The following ROBO1 variants were observed in gnomAD, a reference collection of about 807,000 sequenced individuals.
ROBO1 encodes roundabout guidance receptor 1, also known as roundabout homolog 1.
ROBO1 carries 149 observed loss-of-function variants against 195.9 expected under a neutral mutation model. The observed-to-expected ratio is 0.76, with a 90% CI of 0.67 to 0.87. The LOEUF (loss-of-function observed/expected upper bound fraction) is 0.87. Among genes scored for constraint, ROBO1 ranks in the 40% least tolerant of loss-of-function variants. ROBO1 has a pLI of 0.00. For synonymous variants in ROBO1, 816 were observed against 733.2 expected (o/e 1.11, Z -1.82); for missense variants, 1,933 against 2,068.3 (o/e 0.93, Z 1.27).
intron 1 of ROBO1, among the ~76,000 whole-genome samples, chr3:79,648,147 C>T (rs768849126): frequency 2.6e-5 from 4 of 152,010 alleles, no homozygotes; most frequent in Non-Finnish European, 4.4e-5. Flanking sequence ...GGAACTTTTC[C>T]GGGCTAACCC....
At chr3:79,291,073 CTAAAT>C (rs1317375789) in intron 2 of ROBO1, among the ~76,000 whole-genome samples, 2 of 152,204 alleles carry the variant, frequency 1.3e-5, no homozygotes, top group Non-Finnish European at 2.9e-5. Flanking sequence ...TCCACCTTAA[CTAAAT>C]TAATGTCCTC....
intron 2 of ROBO1, among the ~76,000 whole-genome samples, chr3:79,419,908 G>A (rs151219101): frequency 1.8e-3 from 276 of 152,128 alleles, no homozygotes; most frequent in African/African-American, 6.3e-3. Context: ...CATAAGGTAT[G>A]TATACATAAG....
chr3:78,610,378 C>G (rs1217094190), intron 28 of ROBO1, among the ~76,000 whole-genome samples: 1 of 152,024 alleles, frequency 6.6e-6, no homozygotes, highest in Non-Finnish European at 1.5e-5. Context: ...AGCCTAAAGC[C>G]AAGGGACCCA....
intron 5 of ROBO1, among the ~76,000 whole-genome samples, chr3:78,719,587 G>A (rs2081993026): frequency 6.6e-6 from 1 of 151,986 alleles, no homozygotes; most frequent in Non-Finnish European, 1.5e-5. Flanking sequence ...CACATGATAT[G>A]TGCTGTTTTA....
At chr3:79,573,460 G>A (rs541266142) in intron 2 of ROBO1, among the ~76,000 whole-genome samples, 1 of 152,110 alleles carries the variant, frequency 6.6e-6, no homozygotes, top group African/African-American at 2.4e-5. Flanking sequence ...CAGTAGATTA[G>A]ATATATGACA....
chr3:78,687,823 G>A (rs1428254724), intron 9 of ROBO1, among the ~76,000 whole-genome samples: 1 of 151,970 alleles, frequency 6.6e-6, no homozygotes, highest in African/African-American at 2.4e-5. Flanking sequence ...TAGAGATGAG[G>A]TCTTACTATG....
chr3:78,975,554 T>C (rs2076868785), intron 3 of ROBO1, among the ~76,000 whole-genome samples: 1 of 151,956 alleles, frequency 6.6e-6, no homozygotes, highest in African/African-American at 2.4e-5. Context: ...TTTCCTGGTT[T>C]TAAAAAAAGG....
At chr3:79,725,015 G>T (rs1005870640) in intron 1 of ROBO1, among the ~76,000 whole-genome samples, 1 of 152,032 alleles carries the variant, frequency 6.6e-6, no homozygotes. Context: ...GCTATAGAAA[G>T]ATGATTCTCT....
chr3:79,430,587 T>C (rs2038638083), intron 2 of ROBO1, among the ~76,000 whole-genome samples: 2 of 152,146 alleles, frequency 1.3e-5, no homozygotes, highest in South Asian at 4.1e-4. Flanking sequence ...GCTAGAGTTG[T>C]ACAAAAGAAT....
At chr3:78,715,354 A>G (rs565592039) in intron 7 of ROBO1, 1 of 152,166 alleles carries the variant, frequency 6.6e-6, no homozygotes, top group African/African-American at 2.4e-5. Flanking sequence ...CTAACAAGTC[A>G]TCCAATTTGT....
chr3:79,089,028 T>G (rs2079427478), intron 3 of ROBO1, among the ~76,000 whole-genome samples: 1 of 152,080 alleles, frequency 6.6e-6, no homozygotes, highest in Admixed American at 6.5e-5. Flanking sequence ...CTTGTATTCC[T>G]CGCTTTTAGT....
At chr3:79,370,539 C>T (rs200926179) in intron 2 of ROBO1, among the ~76,000 whole-genome samples, 1 of 151,912 alleles carries the variant, frequency 6.6e-6, no homozygotes, top group East Asian at 1.9e-4. Context: ...GTCATCCGTC[C>T]ACAACATGGG....
At chr3:78,905,729 C>T (rs2037867234) in intron 4 of ROBO1, among the ~76,000 whole-genome samples, 1 of 152,080 alleles carries the variant, frequency 6.6e-6, no homozygotes. Flanking sequence ...TAATTAAGCA[C>T]TCACTATAAA....
At chr3:79,334,938 T>A (rs901868828) in intron 2 of ROBO1, among the ~76,000 whole-genome samples, 1 of 151,874 alleles carries the variant, frequency 6.6e-6, no homozygotes, top group Admixed American at 6.6e-5. Context: ...AAACTCTGTG[T>A]CTACTAAAAG....
intron 1 of ROBO1, among the ~76,000 whole-genome samples, chr3:79,647,571 C>T (rs1289495926): frequency 1.2e-5 from 1 of 80,664 alleles, no homozygotes. Flanking sequence ...GACACATGTA[C>T]TATCGGCATC....
intron 3 of ROBO1, among the ~76,000 whole-genome samples, chr3:79,108,628 T>A (rs899020868): frequency 2.6e-5 from 4 of 151,768 alleles, no homozygotes; most frequent in Middle Eastern, 3.2e-3. Context: ...AGGTTAAAAT[T>A]TAAAGAAACT....
At chr3:79,383,595 A>G (rs2036641823) in intron 2 of ROBO1, among the ~76,000 whole-genome samples, 1 of 152,054 alleles carries the variant, frequency 6.6e-6, no homozygotes, top group Non-Finnish European at 1.5e-5. Flanking sequence ...GAACGAAGCC[A>G]CATTTTTTTG....
At chr3:79,418,688 A>G (rs915219015) in intron 2 of ROBO1, among the ~76,000 whole-genome samples, 1 of 152,180 alleles carries the variant, frequency 6.6e-6, no homozygotes, top group Non-Finnish European at 1.5e-5. Context: ...CAAGAGAAAG[A>G]TAGATACATA....
intron 4 of ROBO1, among the ~76,000 whole-genome samples, chr3:78,838,920 CCT>C (rs2032964918): frequency 6.6e-6 from 1 of 152,188 alleles, no homozygotes; most frequent in African/African-American, 2.4e-5. Context: ...ACCTGGCACT[CCT>C]TGACTAAATC....
Sources: gnomAD v4.1 joint callset for allele counts (sites outside exome capture counted in the v4.1 genomes callset) on GRCh38, gnomAD v4.1.1 for gene constraint, MANE v1.5 for transcripts, NCBI Gene and HGNC (gene_info 2026-07-23, HGNC 2026-07-21) for gene names.